Variants in SERPIND1 observed in about 807,000 individuals in gnomAD.
SERPIND1 encodes the protein serpin family D member 1, also known as heparin cofactor 2.
Under a neutral mutation model 35.0 loss-of-function variants are expected in SERPIND1, and 34 were observed. That is an observed-to-expected ratio of 0.97 (90% CI 0.74 to 1.29). The LOEUF is 1.29. Among genes scored for constraint, SERPIND1 ranks in the 50% most tolerant of loss-of-function variants. The probability of loss-of-function intolerance (pLI) is 0.00; values close to 1 mark genes in which losing one functional copy is unlikely to be tolerated. For synonymous variants in SERPIND1, 236 were observed against 241.1 expected (o/e 0.98, Z 0.19); for missense variants, 633 against 637.7 (o/e 0.99, Z 0.08).
intron 2 of SERPIND1, among the ~76,000 whole-genome samples, chr22:20,781,334 G>T (rs970082911): frequency 6.6e-6 from 1 of 152,204 alleles, no homozygotes; most frequent in African/African-American, 2.4e-5. Context: ...TCGGCTTCAG[G>T]ACTAATTGCG....
intron 2 of SERPIND1, among the ~76,000 whole-genome samples, chr22:20,780,642 G>A (rs907099290): frequency 6.6e-6 from 1 of 151,964 alleles, no homozygotes; most frequent in African/African-American, 2.4e-5. Context: ...TGGGCCTGGC[G>A]GTGGGTGCCT....
At chr22:20,785,147 G>A (rs755484395) in intron 3 of SERPIND1, among the ~76,000 whole-genome samples, 28 of 147,744 alleles carry the variant, frequency 1.9e-4, no homozygotes, top group Non-Finnish European at 3.7e-4. Flanking sequence ...ATGGCTCACT[G>A]CAGCCTCAAC....
At chr22:20,777,460 C>T (rs747005301) in intron 1 of SERPIND1, among the ~76,000 whole-genome samples, 32 of 152,240 alleles carry the variant, frequency 2.1e-4, no homozygotes, top group Non-Finnish European at 4.0e-4. Context: ...TCAGATGATC[C>T]GCCCACCTCG....
chr22:20,778,150 C>T (rs75917143), intron 1 of SERPIND1, among the ~76,000 whole-genome samples: 4,521 of 152,242 alleles, frequency 0.03, 89 homozygotes, highest in Middle Eastern at 0.061. Flanking sequence ...CACCACATCA[C>T]CTCACTACGC....
intron 1 of SERPIND1, among the ~76,000 whole-genome samples, chr22:20,776,092 CAGG>C (rs1933248446): frequency 6.6e-6 from 1 of 152,096 alleles, no homozygotes; most frequent in Admixed American, 6.6e-5. Context: ...GAGGCCAAGG[CAGG>C]AGAATTGCCT....
rs2147523335 is a variant in SERPIND1 at position 20,787,079 on chromosome 22, A to G, written c.*13A>G. On this transcript the variant is annotated 3_prime_UTR_variant, in exon 5 of 5. Transcript: ENST00000215727. Reference sequence around the variant, plus strand: ...CAGCAGGTCCTAGAGGTGGAGGTCTAGGTGTCTGAAGTGCCTTGGGGGCAC... The same window carrying G: ...CAGCAGGTCCTAGAGGTGGAGGTCTGGGTGTCTGAAGTGCCTTGGGGGCAC... 6.2e-7 allele frequency: 1 copy of G among 1,612,218 alleles called. No homozygotes were observed. The highest frequency in any genetic ancestry group is 8.5e-7 in the Non-Finnish European group (1 of 1,178,474).
At position 20,779,818 on chromosome 22, in the gene SERPIND1, T is replaced by G. The variant is rs1292972645; in HGVS notation, c.506T>G (p.Leu169Arg). The G allele has an allele frequency of 3.1e-6, 5 of 1,614,232 alleles. No homozygotes were observed. Among genetic ancestry groups the G allele is most frequent in the Non-Finnish European group, 3.4e-6 (4 of 1,180,028 alleles). ...GCGATGGGTATGATTTCCTTAGGTC[T>G]GAAGGGAGAGACCCATGAACAAGTG... is the stretch of plus-strand genomic sequence containing the variant. ...STAMGMISLGLKGETHEQVHS... is the reference protein window; with the variant it reads ...STAMGMISLGRKGETHEQVHS... The change falls in exon 2 of 5, where the codon CTG becomes CGG. Residue 169 changes from leucine (L) to arginine (R), a missense_variant. Transcript: ENST00000215727.
In SERPIND1 at chr22:20,779,412, A is replaced by G; in HGVS notation, c.100A>G (p.Thr34Ala). ...GGATCAGCTAGAGAAAGGAGGGGAA[A>G]CTGCTCAGTCTGCAGATCCCCAGTG... ...PLDQLEKGGE[T>A]AQSADPQWEQ... Residue 34 changes from threonine to alanine, a missense_variant, in exon 2 of 5, where the codon ACT becomes GCT. Thr to Ala is a moderately conservative substitution (Grantham distance 58). Transcript: ENST00000215727. 1.9e-6 allele frequency: 3 copies of G among 1,614,232 alleles called. No homozygotes were observed. The highest frequency in any genetic ancestry group is 2.5e-6 in the Non-Finnish European group (3 of 1,180,042).
chr22:20,786,787 C>A, intron 4 of SERPIND1, 88 bp from the exon 5 acceptor site: 1 of 1,324,182 alleles, frequency 7.6e-7, no homozygotes, highest in Non-Finnish European at 1.1e-6. Flanking sequence ...TCTTTGGATC[C>A]TTTCCCTGAA....
In SERPIND1 at chr22:20,786,733, T is replaced by C. The variant is rs1569032735; in HGVS notation, c.1309-142T>C. The C allele has an allele frequency of 4.9e-5, 43 of 879,890 alleles. 1 individual carries two copies. The South Asian group carries it at 5.6e-4, about 11-fold the overall frequency. 54.5% of individuals were successfully genotyped at this position (879,890 alleles called of 1,614,324 possible). ...CCCTGACAGGTGGTGACAGATATTTTCAAGAGTGACTCTGACCAGCTGTGA... is the reference window on the plus strand; with the variant it reads ...CCCTGACAGGTGGTGACAGATATTTCCAAGAGTGACTCTGACCAGCTGTGA... On this transcript the variant is annotated intron_variant, in intron 4 of 4. Coordinates refer to ENST00000215727, the MANE Select transcript of SERPIND1 (RefSeq NM_000185.4).
At chr22:20,786,417 G>T (rs1345699878) in intron 4 of SERPIND1, among the ~76,000 whole-genome samples, 1 of 152,234 alleles carries the variant, frequency 6.6e-6, no homozygotes, top group East Asian at 1.9e-4. Context: ...AGAGACAGGG[G>T]AGACATGTGC....
Position 20,787,377 on chromosome 22 carries a change from G to A in SERPIND1, c.*311G>A, listed in dbSNP as rs775860769. 115 of 402,988 alleles carry A rather than the reference G, an allele frequency of 2.9e-4. 1 individual carries two copies. The highest frequency in any genetic ancestry group is 1.1e-3 in the African/African-American group (52 of 48,670). The allele number at this position is 402,988 out of a possible 1,614,324, so 25.0% of individuals were successfully genotyped here. On this transcript the variant is annotated 3_prime_UTR_variant, in exon 5 of 5. Transcript: ENST00000215727. ...GCGCGTCCTAAGCACCTCCCGCTCC[G>A]GTGACCCCATCCTTGCACACCTGAC...
chr22:20,775,004 A>G (rs1933152013), intron 1 of SERPIND1, among the ~76,000 whole-genome samples: 1 of 152,124 alleles, frequency 6.6e-6, no homozygotes, highest in Non-Finnish European at 1.5e-5. Context: ...GGAAGTTTGA[A>G]CTTACTTCAA....
chr22:20,777,265 G>A (rs1933372855), intron 1 of SERPIND1, among the ~76,000 whole-genome samples: 1 of 150,004 alleles, frequency 6.7e-6, no homozygotes, highest in African/African-American at 2.5e-5. Flanking sequence ...TGCCCAGGCT[G>A]GAGTGCAATG....
At chr22:20,780,358 A>G (rs185575799) in intron 2 of SERPIND1, among the ~76,000 whole-genome samples, 157 bp downstream of exon 2, 1 of 152,362 alleles carries the variant, frequency 6.6e-6, no homozygotes, top group African/African-American at 2.4e-5. Context: ...GGCCAAGCTG[A>G]AGTGACAGTA....
Position 20,779,414 on chromosome 22 carries a change from T to G in SERPIND1, c.102T>G (p.Thr34=). The G allele has an allele frequency of 3.1e-6, 5 of 1,614,250 alleles. No individual in the cohort carries two copies. The highest frequency in any genetic ancestry group is 4.2e-6 in the Non-Finnish European group (5 of 1,180,034). The change falls in exon 2 of 5, where the codon ACT becomes ACG. Residue 34 remains threonine, a synonymous_variant. Coordinates refer to ENST00000215727, the MANE Select transcript of SERPIND1 (RefSeq NM_000185.4). ...PLDQLEKGGE[T]AQSADPQWEQ... is the part of the protein sequence containing the mutation. ...ATCAGCTAGAGAAAGGAGGGGAAAC[T>G]GCTCAGTCTGCAGATCCCCAGTGGG...
chr22:20,780,775 C>CAAAAAAAAAAAAAAAAAAAAAAAAAAA lies in SERPIND1; in HGVS notation c.889+590_889+591insAAAAAAAAAAAAAAAAAAAAAAAAAAA, dbSNP rs538327544. Among the ~76,000 whole-genome samples, 129 of 67,484 alleles carry CAAAAAAAAAAAAAAAAAAAAAAAAAAA rather than the reference C, an allele frequency of 1.9e-3. 1 individual carries two copies. Among genetic ancestry groups the CAAAAAAAAAAAAAAAAAAAAAAAAAAA allele is most frequent in the Non-Finnish European group, 2.8e-3 (101 of 36,482 alleles). 44.3% of individuals were successfully genotyped at this position (67,484 alleles called of 152,430 possible). On this transcript the variant is annotated intron_variant, in intron 2 of 4. Transcript: ENST00000215727. The stretch of plus-strand genomic sequence containing the variant: ...TGGACGACAGAGTGAGACTCCATCT[C>CAAAAAAAAAAAAAAAAAAAAAAAAAAA]AAAAAAAAAAAAAAAAGAAGTAAAA...
intron 3 of SERPIND1, 88 bp downstream of exon 3, chr22:20,784,333 G>A: frequency 1.3e-6 from 2 of 1,569,684 alleles, no homozygotes; most frequent in Non-Finnish European, 1.7e-6. Flanking sequence ...TTTTTAAAAA[G>A]GGAGAATTAT....
At chr22:20,779,093 A>G in intron 1 of SERPIND1, 2 of 1,213,326 alleles carry the variant, frequency 1.6e-6, no homozygotes, top group East Asian at 2.6e-5. Flanking sequence ...CAGATCCTTC[A>G]TTGAGGTTTA....
Sources: allele counts gnomAD v4.1 joint callset (sites outside exome capture counted in the v4.1 genomes callset), GRCh38; gene constraint gnomAD v4.1.1; transcripts MANE v1.5; gene names NCBI Gene and HGNC (gene_info 2026-07-23, HGNC 2026-07-21).